VILL: variants seen among roughly 807,000 people sequenced by gnomAD.
VILL encodes the protein villin-like protein.
In VILL, 102 loss-of-function variants were observed where a neutral mutation model predicts 106.3. The ratio of observed to expected loss-of-function variants is 0.96; its 90% CI spans 0.82 to 1.13. The LOEUF is 1.13. VILL is among the 50% of genes most tolerant of loss of function. The pLI, the probability that VILL is intolerant of heterozygous loss-of-function variation, is 0.00. For missense variants in VILL, 1,076 were observed against 1,116.6 expected (o/e 0.96, Z 0.52); for synonymous variants, 431 against 440.3 (o/e 0.98, Z 0.27).
chr3:37,999,397 G>A lies in VILL; in HGVS notation c.1140G>A (p.Ala380=), dbSNP rs1164366469. 8 of 1,501,576 alleles carry A rather than the reference G, an allele frequency of 5.3e-6. No individual in the cohort carries two copies. The highest frequency in any genetic ancestry group is 4.9e-5 in the Admixed American group (2 of 40,872). 93.0% of individuals were successfully genotyped at this position (1,501,576 alleles called of 1,614,324 possible). A position where few individuals can be genotyped will look rare whatever the true frequency, so the allele number is the denominator to read the frequency against. ...VGKLHTQPKL[A]AQLRMVDDGS... ...AGCTGCACACCCAGCCTAAGTTAGC[G>A]GCCCAGCTCAGGATGGTGGACGACG... is the stretch of plus-strand genomic sequence containing the variant. Residue 380 remains alanine, a synonymous_variant, in exon 11 of 20, where the codon GCG becomes GCA. Transcript: ENST00000383759.
chr3:37,994,818 C>T (rs1174207936), intron 4 of VILL, among the ~76,000 whole-genome samples: 3 of 152,238 alleles, frequency 2.0e-5, no homozygotes, highest in Non-Finnish European at 2.9e-5. Flanking sequence ...TTGCCTCTTC[C>T]GGGCATGTCA....
chr3:38,000,873 T>G, intron 11 of VILL: 1 of 456,654 alleles, frequency 2.2e-6, no homozygotes, highest in South Asian at 1.5e-5. Context: ...ATCCCCAATA[T>G]ACAGGTGGGA....
At chr3:37,991,464 T>C (rs1575332231) in intron 1 of VILL, among the ~76,000 whole-genome samples, 1 of 126,046 alleles carries the variant, frequency 7.9e-6, no homozygotes, top group African/African-American at 3.1e-5. Flanking sequence ...GGAGGAAAAA[T>C]GGGAGAAAAA....
At chr3:37,989,128 C>A (rs1020172186), upstream of VILL, among the ~76,000 whole-genome samples, 6 of 152,224 alleles carry the variant, frequency 3.9e-5, no homozygotes, top group East Asian at 1.2e-3. Context: ...CAGCTGCCGA[C>A]GGGCCAGTGG....
intron 15 of VILL, chr3:38,003,889 C>G (rs1699865747): frequency 4.7e-6 from 1 of 214,528 alleles, no homozygotes; most frequent in Non-Finnish European, 9.5e-6. Flanking sequence ...CCCAGCCTGG[C>G]TTGCCTCCTT....
Position 37,993,620 on chromosome 3 carries a change from G to C in VILL, c.-53G>C. The stretch of plus-strand genomic sequence containing the variant: ...GTAGCCAGGTGTCGGTCTCCAGCCT[G>C]AGAACTCTGGCTGTTGTTCCTTGTG... On this transcript the variant is annotated 5_prime_UTR_variant, in exon 2 of 20. Transcript: ENST00000383759. The C allele has an allele frequency of 1.3e-6, 2 of 1,584,526 alleles. No individual in the cohort carries two copies. The highest frequency in any genetic ancestry group is 2.2e-5 in the South Asian group (2 of 89,974).
At chr3:38,006,417 T>C in intron 18 of VILL, 32 bp from the exon 19 acceptor site, 2 of 1,580,308 alleles carry the variant, frequency 1.3e-6, no homozygotes, top group South Asian at 1.2e-5. Context: ...TGATTCCCCA[T>C]CTTCCCCAGC....
At chr3:38,000,710 T>G (rs921279895) in intron 11 of VILL, among the ~76,000 whole-genome samples, 4 of 152,178 alleles carry the variant, frequency 2.6e-5, no homozygotes, top group African/African-American at 7.2e-5. Flanking sequence ...TTAGGTGGCC[T>G]GTAGTCAAGT....
rs979124274 is a variant in VILL, at chr3:38,003,165, T to C, written c.1660-3T>C. The C allele has an allele frequency of 1.2e-6, 2 of 1,613,648 alleles. No individual in the cohort carries two copies. The highest frequency in any genetic ancestry group is 1.7e-6 in the Non-Finnish European group (2 of 1,179,810). ...GGGCCTGAGCCATCTCTTTGCCTGC[T>C]AGGGCTGTAATGGTGATCAGCGTGA... On this transcript the variant is annotated splice_polypyrimidine_tract_variant and splice_region_variant and intron_variant, in intron 14 of 19. Transcript: ENST00000383759.
chr3:37,988,751 A>G (rs1699577410), upstream of VILL, among the ~76,000 whole-genome samples: 1 of 152,122 alleles, frequency 6.6e-6, no homozygotes, highest in African/African-American at 2.4e-5. Flanking sequence ...AATCCCAGCT[A>G]CTCAGGGGAC....
rs202089474 is a variant in VILL, at chr3:37,993,699, C to T, written c.27C>T (p.Gly9=). 1 of 1,614,076 alleles carries T rather than the reference C, an allele frequency of 6.2e-7. No homozygotes were observed. The highest frequency in any genetic ancestry group is 8.5e-7 in the Non-Finnish European group (1 of 1,179,980). The change falls in exon 2 of 20, where the codon GGC becomes GGT. Residue 9 remains glycine (G), a synonymous_variant. Transcript: ENST00000383759. MDISKGLP[G]MQGGLHIWIS... Reference sequence around the variant, plus strand: ...TGGACATCAGCAAGGGCCTCCCAGGCATGCAGGGAGGCCTCCACATATGGA... The same window carrying T: ...TGGACATCAGCAAGGGCCTCCCAGGTATGCAGGGAGGCCTCCACATATGGA...
At chr3:38,003,930 A>C in intron 15 of VILL, 1 of 262,020 alleles carries the variant, frequency 3.8e-6, no homozygotes, top group Non-Finnish European at 7.4e-6. Context: ...ACTCTCTGCC[A>C]GGGGTGGGCT....
chr3:38,006,186 C>G lies in VILL; in HGVS notation c.2139C>G (p.His713Gln). Residue 713 changes from histidine (H) to glutamine (Q), a missense_variant, in exon 18 of 20, where the codon CAC (histidine) becomes CAG (glutamine). By Grantham distance (24) the His-to-Gln change is conservative (BLOSUM62 0). Coordinates refer to ENST00000383759, the MANE Select transcript of VILL (RefSeq NM_015873.4). ...FTWDPYKWTSHPSHKEVVDGS... is the reference protein window; with the variant it reads ...FTWDPYKWTSQPSHKEVVDGS... ...TGCCCCGATTCTTGCTCCAGAGCCA[C>G]CCGTCCCACAAGGAAGTGGTGGATG... 6.2e-7 allele frequency: 1 copy of G among 1,614,214 alleles called. No individual in the cohort carries two copies. The highest frequency in any genetic ancestry group is 2.2e-5 in the East Asian group (1 of 44,878).
rs746799673 is a variant in VILL, at chr3:37,998,408, G to T, written c.942+44G>T. 4.5e-5 allele frequency: 72 copies of T among 1,593,322 alleles called. No individual in the cohort carries two copies. The Middle Eastern group carries it at 8.4e-4, about 19-fold the overall frequency. ...TCTGAGAGGAACAGAGCACTGCCCT[G>T]GGGTCTGAGTGGGGAGGCAGCTCCG... is the stretch of plus-strand genomic sequence containing the variant. On this transcript the variant is annotated intron_variant, in intron 9 of 19. Coordinates refer to ENST00000383759, the MANE Select transcript of VILL (RefSeq NM_015873.4). The surrounding 1 kb of genome is among the most constrained non-coding windows in gnomAD (Gnocchi z 4.1).
chr3:38,003,346 A>G (rs756685726), intron 15 of VILL, 33 bp downstream of exon 15: 2 of 1,567,726 alleles, frequency 1.3e-6, no homozygotes, highest in Non-Finnish European at 1.7e-6. Flanking sequence ...GTTCTTACCC[A>G]GAGGAGGAAT....
chr3:37,991,604 A>G (rs1186661189), intron 1 of VILL, among the ~76,000 whole-genome samples: 2 of 151,848 alleles, frequency 1.3e-5, no homozygotes, highest in Non-Finnish European at 1.5e-5. Flanking sequence ...GAGAAAGGGA[A>G]ACCAGGGAAG....
At chr3:37,992,425 TGGGGCAATTAG>T (rs1277173663) in intron 1 of VILL, among the ~76,000 whole-genome samples, 1 of 152,190 alleles carries the variant, frequency 6.6e-6, no homozygotes, top group East Asian at 1.9e-4. Context: ...CAACAGTTCT[TGGGGCAATTAG>T]GGTGCACGGA....
rs1699824216 is a variant in VILL, at chr3:38,001,878, A to G, written c.1479+18A>G. On this transcript the variant is annotated intron_variant, in intron 13 of 19. Coordinates refer to ENST00000383759, the MANE Select transcript of VILL (RefSeq NM_015873.4). ...TCTTCCAGGTAGGTCTCACCTTGCC[A>G]CTCTGGCCACAGCCTGCCCAGTTCT... 1.9e-6 allele frequency: 3 copies of G among 1,613,926 alleles called. No individual in the cohort carries two copies. In the East Asian group the frequency reaches 6.7e-5, roughly 36 times the overall value.
In VILL at chr3:37,998,309, G is replaced by A. The variant is rs760498659; in HGVS notation, c.887G>A (p.Trp296Ter). Reference sequence around the variant, plus strand: ...CAGGGTGGCTTCAAGATCTATGTGTGGCAGGGACGCATGTCTAGCCTCCAG... The same window carrying A: ...CAGGGTGGCTTCAAGATCTATGTGTAGCAGGGACGCATGTCTAGCCTCCAG... ...LDQGGFKIYV[W>*]QGRMSSLQER... Residue 296 changes from tryptophan (W) to a stop codon, truncating the protein, a stop_gained, in exon 9 of 20, where the codon TGG becomes TAG. Coordinates refer to ENST00000383759, the MANE Select transcript of VILL (RefSeq NM_015873.4). LOFTEE classifies it high-confidence loss of function. The surrounding 1 kb of genome is among the most constrained non-coding windows in gnomAD (Gnocchi z 4.1). 8.1e-6 allele frequency: 13 copies of A among 1,614,050 alleles called. No individual in the cohort carries two copies. The highest frequency in any genetic ancestry group is 1.1e-5 in the Non-Finnish European group (13 of 1,180,018).
Sources: allele counts gnomAD v4.1 joint callset (sites outside exome capture counted in the v4.1 genomes callset), GRCh38; gene constraint gnomAD v4.1.1; non-coding constraint Gnocchi (gnomAD v3.1); transcripts MANE v1.5; gene names NCBI Gene and HGNC (gene_info 2026-07-23, HGNC 2026-07-21).